The following UNC5B variants were observed in gnomAD, a reference collection of about 807,000 sequenced individuals.
UNC5B encodes the protein netrin receptor UNC5B.
In UNC5B, 56 loss-of-function variants were observed where a neutral mutation model predicts 103.7. The observed-to-expected ratio is 0.54, with a 90% CI of 0.44 to 0.67. UNC5B has a LOEUF of 0.67. Among genes scored for constraint, UNC5B ranks in the 30% least tolerant of loss-of-function variants. The pLI is 0.00. For missense variants in UNC5B, 1,194 were observed against 1,284.5 expected (o/e 0.93, Z 1.08); for synonymous variants, 577 against 542.0 (o/e 1.06, Z -0.90).
intron 1 of UNC5B, among the ~76,000 whole-genome samples, chr10:71,232,261 A>G (rs1014447978): frequency 6.6e-6 from 1 of 152,164 alleles, no homozygotes; most frequent in African/African-American, 2.4e-5. Context: ...AACCTATCTC[A>G]TCTCCTCCTC....
At chr10:71,228,384 C>CAA (rs58283911) in intron 1 of UNC5B, among the ~76,000 whole-genome samples, 5 of 142,544 alleles carry the variant, frequency 3.5e-5, no homozygotes, top group African/African-American at 5.1e-5. Flanking sequence ...AAATTTTCGA[C>CAA]AAAAAAAAAA....
At chr10:71,268,065 G>A (rs1422450538) in intron 1 of UNC5B, among the ~76,000 whole-genome samples, 1 of 152,244 alleles carries the variant, frequency 6.6e-6, no homozygotes, top group East Asian at 1.9e-4. Context: ...GGGAATGGAG[G>A]CCAGAGATGG....
At chr10:71,260,191 G>A (rs1844384677) in intron 1 of UNC5B, among the ~76,000 whole-genome samples, 1 of 152,230 alleles carries the variant, frequency 6.6e-6, no homozygotes, top group Admixed American at 6.5e-5. Flanking sequence ...GCTGTCTCCA[G>A]CCTGAGATCC....
chr10:71,273,568 C>T (rs1317157952), intron 1 of UNC5B, among the ~76,000 whole-genome samples: 1 of 152,258 alleles, frequency 6.6e-6, no homozygotes, highest in Non-Finnish European at 1.5e-5. Context: ...TGGGCCCTCA[C>T]TCCTGCTCAT....
intron 1 of UNC5B, among the ~76,000 whole-genome samples, chr10:71,225,996 C>T (rs1843555464): frequency 6.6e-6 from 1 of 152,208 alleles, no homozygotes; most frequent in Non-Finnish European, 1.5e-5. Flanking sequence ...GTCTCCTCCT[C>T]CCCACCCCCT....
chr10:71,282,340 A>C (rs1186631407), intron 2 of UNC5B, among the ~76,000 whole-genome samples: 1 of 152,150 alleles, frequency 6.6e-6, no homozygotes, highest in Non-Finnish European at 1.5e-5. Context: ...TGGGCCAGGC[A>C]TTGCCATGCT....
chr10:71,256,129 C>A (rs996090708), intron 1 of UNC5B, among the ~76,000 whole-genome samples: 9 of 152,212 alleles, frequency 5.9e-5, no homozygotes, highest in African/African-American at 1.9e-4. Flanking sequence ...AAGGTCCCTA[C>A]CATAGCCCCT....
At chr10:71,297,176 C>T (rs766775721) in intron 15 of UNC5B, among the ~76,000 whole-genome samples, 3 of 152,226 alleles carry the variant, frequency 2.0e-5, no homozygotes, top group Admixed American at 1.3e-4. Flanking sequence ...CAAGTCTGAG[C>T]GGGTATCTGG....
Position 71,291,715 on chromosome 10 carries a change from C to G in UNC5B, c.1578C>G (p.Ser526Arg), listed in dbSNP as rs775350591. The G allele has an allele frequency of 6.2e-7, 1 of 1,612,478 alleles. No individual in the cohort carries two copies. Among genetic ancestry groups the G allele is most frequent in the Non-Finnish European group, 8.5e-7 (1 of 1,179,978 alleles). ...ARDTHFLHLR[S>R]ASLGSQQLLG... is the part of the protein sequence containing the mutation. ...ACACCCACTTCCTGCACCTGCGCAGCGCCAGCCTCGGTTCCCAGCAGCTCT... is the reference window on the plus strand; with the variant it reads ...ACACCCACTTCCTGCACCTGCGCAGGGCCAGCCTCGGTTCCCAGCAGCTCT... The change falls in exon 10 of 17, where the codon AGC (serine) becomes AGG (arginine). Residue 526 changes from serine (S) to arginine (R), a missense_variant. By Grantham distance (110) the Ser-to-Arg change is moderately radical. Coordinates refer to ENST00000335350, the MANE Select transcript of UNC5B (RefSeq NM_170744.5).
Position 71,213,171 on chromosome 10 carries a change from G to T in UNC5B, c.79+107G>T. 2 of 941,232 alleles carry T rather than the reference G, an allele frequency of 2.1e-6. No homozygotes were observed. Among genetic ancestry groups the T allele is most frequent in the East Asian group, 6.6e-5 (2 of 30,324 alleles). The allele number at this position is 941,232 out of a possible 1,614,324, so 58.3% of individuals were successfully genotyped here. ...TCGCATCGATGCGCGCAGGAAAAGC[G>T]GCAAGGGCGCCCAAGTTAGAATGTA... is the stretch of plus-strand genomic sequence containing the variant. On this transcript the variant is annotated intron_variant, in intron 1 of 16. Coordinates refer to ENST00000335350, the MANE Select transcript of UNC5B (RefSeq NM_170744.5). The surrounding 1 kb of genome is among the most constrained non-coding windows in gnomAD (Gnocchi z 4.1).
At chr10:71,271,664 A>C (rs1844648424) in intron 1 of UNC5B, among the ~76,000 whole-genome samples, 1 of 152,116 alleles carries the variant, frequency 6.6e-6, no homozygotes, top group African/African-American at 2.4e-5. Context: ...TCATCCCAGC[A>C]CTGCACCTGC....
intron 2 of UNC5B, among the ~76,000 whole-genome samples, chr10:71,280,746 A>C (rs576791018): frequency 1.3e-5 from 2 of 152,276 alleles, no homozygotes; most frequent in Admixed American, 1.3e-4. Context: ...CCTCGAGTCT[A>C]AGTGAGGGGC....
chr10:71,268,206 C>G (rs762324432), intron 1 of UNC5B, among the ~76,000 whole-genome samples: 3 of 152,256 alleles, frequency 2.0e-5, no homozygotes, highest in Non-Finnish European at 4.4e-5. Context: ...CAGGCGCTCT[C>G]AGGGGCTCTT....
rs1337821819 is a variant in UNC5B at position 71,296,688 on chromosome 10, G to A, written c.2436G>A (p.Val812=). 6.2e-7 allele frequency: 1 copy of A among 1,612,350 alleles called. No homozygotes were observed. Among genetic ancestry groups the A allele is most frequent in the Non-Finnish European group, 8.5e-7 (1 of 1,179,158 alleles). The part of the protein sequence containing the change: ...ASTELTCKIC[V]RQVEGEGQIF... ...CAGAGCTCACCTGCAAGATCTGCGT[G>A]CGGCAAGTGGAAGGGGAGGGCCAGA... is the stretch of plus-strand genomic sequence containing the variant. The change falls in exon 15 of 17, where the codon GTG becomes GTA. Residue 812 remains valine (V), a synonymous_variant. Coordinates refer to ENST00000335350, the MANE Select transcript of UNC5B (RefSeq NM_170744.5).
intron 1 of UNC5B, among the ~76,000 whole-genome samples, chr10:71,271,403 C>T (rs1451353803): frequency 6.6e-6 from 1 of 152,204 alleles, no homozygotes; most frequent in Non-Finnish European, 1.5e-5. Context: ...AGCTCCTTGT[C>T]TGGGAGAAGA....
At chr10:71,222,092 G>T (rs1481119591) in intron 1 of UNC5B, among the ~76,000 whole-genome samples, 2 of 152,164 alleles carry the variant, frequency 1.3e-5, no homozygotes, top group Admixed American at 1.3e-4. Flanking sequence ...TTGTGGTCTG[G>T]GCAGTCAGAA....
chr10:71,286,859 C>T lies in UNC5B; in HGVS notation c.723C>T (p.Val241=), dbSNP rs150764930. ...VAKRRSTTAT[V]IVYVNGGWSS... ...AACGCCGGAGCACCACTGCCACCGT[C>T]ATCGTCTACGGTGCGGGCCTTTCGG... The change falls in exon 5 of 17, where the codon GTC becomes GTT. Residue 241 remains valine, a synonymous_variant. Transcript: ENST00000335350. 6.2e-7 allele frequency: 1 copy of T among 1,614,052 alleles called. No homozygotes were observed. The highest frequency in any genetic ancestry group is 8.5e-7 in the Non-Finnish European group (1 of 1,179,930).
chr10:71,224,389 A>G lies in UNC5B; in HGVS notation c.79+11325A>G, dbSNP rs1040569313. On this transcript the variant is annotated intron_variant, in intron 1 of 16. Transcript: ENST00000335350. ...GACACACACACACACACACACACAC[A>G]CACACACACACACACACACACACAC... Among the ~76,000 whole-genome samples, 29 of 151,468 alleles carry G rather than the reference A, an allele frequency of 1.9e-4. No individual in the cohort carries two copies. In the East Asian group the frequency reaches 4.5e-3, roughly 23 times the overall value.
At chr10:71,270,444 T>C (rs574198350) in intron 1 of UNC5B, among the ~76,000 whole-genome samples, 3 of 152,126 alleles carry the variant, frequency 2.0e-5, no homozygotes. Context: ...AGCTTAGGAC[T>C]TTCTCCAGGG....
Sources: gnomAD v4.1 joint callset for allele counts (sites outside exome capture counted in the v4.1 genomes callset) on GRCh38, gnomAD v4.1.1 for gene constraint, Gnocchi (gnomAD v3.1) non-coding constraint, MANE v1.5 for transcripts, NCBI Gene and HGNC (gene_info 2026-07-23, HGNC 2026-07-21) for gene names.